ARID5B: variants seen among roughly 807,000 people sequenced by gnomAD.
ARID5B encodes the protein AT-rich interactive domain-containing protein 5B.
In ARID5B, 13 loss-of-function variants were observed where a neutral mutation model predicts 97.2. That is an observed-to-expected ratio of 0.13 (90% CI 0.09 to 0.21). The LOEUF is 0.21. Among genes scored for constraint, ARID5B ranks in the 10% least tolerant of loss-of-function variants. The probability of loss-of-function intolerance (pLI) is 1.00; values close to 1 mark genes in which losing one functional copy is unlikely to be tolerated. For synonymous variants in ARID5B, 556 were observed against 570.3 expected (o/e 0.97, Z 0.36); for missense variants, 1,210 against 1,465.3 (o/e 0.83, Z 2.84).
At chr10:61,974,252 C>A (rs984931394) in intron 3 of ARID5B, among the ~76,000 whole-genome samples, 7 of 152,184 alleles carry the variant, frequency 4.6e-5, no homozygotes, top group Non-Finnish European at 1.5e-5. Flanking sequence ...TTGGCTGTGC[C>A]ATTGTAATGA....
At chr10:61,909,229 C>A (rs1464034644) in intron 2 of ARID5B, among the ~76,000 whole-genome samples, 8 of 152,106 alleles carry the variant, frequency 5.3e-5, no homozygotes, top group African/African-American at 1.9e-4. Flanking sequence ...TGACCCTATG[C>A]TCCCCCCACC....
intron 3 of ARID5B, among the ~76,000 whole-genome samples, chr10:61,995,943 C>T (rs1459251783): frequency 1.3e-5 from 2 of 152,086 alleles, no homozygotes; most frequent in African/African-American, 2.4e-5. Context: ...CTGGTCCAAA[C>T]GGGAGGTTCT....
chr10:61,946,808 C>T (rs1162449001), intron 3 of ARID5B, among the ~76,000 whole-genome samples: 1 of 152,124 alleles, frequency 6.6e-6, no homozygotes, highest in Non-Finnish European at 1.5e-5. Flanking sequence ...GTAGTCCGAG[C>T]TACTCAGGAG....
intron 7 of ARID5B, among the ~76,000 whole-genome samples, chr10:62,063,183 T>C (rs1839943822): frequency 6.6e-6 from 1 of 152,240 alleles, no homozygotes; most frequent in Non-Finnish European, 1.5e-5. Context: ...ACATGAGCTT[T>C]ACCAGATGTA....
intron 3 of ARID5B, among the ~76,000 whole-genome samples, chr10:61,968,987 A>T (rs1838586541): frequency 6.6e-6 from 1 of 152,186 alleles, no homozygotes; most frequent in Admixed American, 6.5e-5. Context: ...TTTCTGTAAA[A>T]CAAGAGGCCT....
intron 4 of ARID5B, among the ~76,000 whole-genome samples, chr10:62,003,371 G>C (rs1839105616): frequency 6.6e-6 from 1 of 152,184 alleles, no homozygotes; most frequent in African/African-American, 2.4e-5. Flanking sequence ...ATCTTGGTGA[G>C]GGGTCAGGGA....
rs1408904147 is a variant in ARID5B, at chr10:62,000,453, TC to T, written c.733+137del. Reference sequence around the variant, plus strand: ...CCCATGTGCTGCCCCACCCCTCCCATCCCCCAAATTATTGCGGCATAAGGCG... The same window carrying T: ...CCCATGTGCTGCCCCACCCCTCCCATCCCCAAATTATTGCGGCATAAGGCG... On this transcript the variant is annotated intron_variant, in intron 4 of 9. Coordinates refer to ENST00000279873, the MANE Select transcript of ARID5B (RefSeq NM_032199.3). This position sits in a 1 kb window ranked among gnomAD's most constrained non-coding sequence, Gnocchi z 4.4. The T allele has an allele frequency of 7.9e-6, 6 of 757,504 alleles. No individual in the cohort carries two copies. The highest frequency in any genetic ancestry group is 7.5e-5 in the African/African-American group (4 of 53,160). 46.9% of individuals were successfully genotyped at this position (757,504 alleles called of 1,614,324 possible).
At position 62,057,137 on chromosome 10, in the gene ARID5B, A is replaced by T. The variant is rs373580964; in HGVS notation, c.867A>T (p.Ser289=). 1.2e-6 allele frequency: 2 copies of T among 1,613,578 alleles called. No individual in the cohort carries two copies. Among genetic ancestry groups the T allele is most frequent in the African/African-American group, 2.7e-5 (2 of 74,892 alleles). ...TCCAGGTGAAATGTGAGGCCAGGTC[A>T]GCCTTGACCAAGCCGAAGAATAACC... The part of the protein sequence containing the change: ...AVAKVKCEAR[S]ALTKPKNNHN... Residue 289 remains serine, a synonymous_variant, in exon 6 of 10, where the codon TCA becomes TCT. Transcript: ENST00000279873.
At chr10:62,030,478 A>G (rs1168920844) in intron 4 of ARID5B, among the ~76,000 whole-genome samples, 2 of 152,176 alleles carry the variant, frequency 1.3e-5, no homozygotes, top group African/African-American at 2.4e-5. Context: ...AAAGCAGAAT[A>G]TATTTAATAA....
At chr10:61,999,503 G>A (rs968115162) in intron 3 of ARID5B, among the ~76,000 whole-genome samples, 11 of 152,254 alleles carry the variant, frequency 7.2e-5, no homozygotes, top group Middle Eastern at 3.4e-3. Context: ...TCTTGGTCTC[G>A]TGGCTGACTG....
intron 4 of ARID5B, among the ~76,000 whole-genome samples, chr10:62,003,822 A>C (rs1032318735): frequency 1.3e-5 from 2 of 152,116 alleles, no homozygotes; most frequent in African/African-American, 4.8e-5. Context: ...CCAACTGCCC[A>C]TACACCCCTG....
At chr10:61,952,127 G>A (rs112966132) in intron 3 of ARID5B, among the ~76,000 whole-genome samples, 1,653 of 152,102 alleles carry the variant, frequency 0.011, 25 homozygotes, top group African/African-American at 0.038. Flanking sequence ...AACCTTCTTT[G>A]CCCTAGCCTA....
At chr10:62,057,411 C>T (rs1296138102) in intron 6 of ARID5B, 93 bp downstream of exon 6, 1 of 1,284,212 alleles carries the variant, frequency 7.8e-7, no homozygotes, top group Non-Finnish European at 1.1e-6. Flanking sequence ...ATGTTGAAAT[C>T]CTAATCTGGG....
intron 2 of ARID5B, among the ~76,000 whole-genome samples, chr10:61,913,978 C>T (rs573562711): frequency 1.3e-5 from 2 of 152,162 alleles, no homozygotes; most frequent in Admixed American, 6.5e-5. Context: ...CTTGAACTCC[C>T]GACCTCAGGT....
intron 2 of ARID5B, among the ~76,000 whole-genome samples, chr10:61,932,247 AT>A (rs1844222941): frequency 1.3e-5 from 2 of 152,142 alleles, no homozygotes; most frequent in Non-Finnish European, 2.9e-5. Context: ...AAAATACCTT[AT>A]TGCCAATAAA....
intron 4 of ARID5B, among the ~76,000 whole-genome samples, chr10:62,038,232 T>C (rs1315975450): frequency 6.6e-6 from 1 of 152,154 alleles, no homozygotes; most frequent in Non-Finnish European, 1.5e-5. Context: ...CCCAATTGGG[T>C]AACTGACTAT....
chr10:62,055,419 ACAGCGTTGAGAATGGAGCCTGGCTGC>A (rs1839842763), intron 5 of ARID5B, among the ~76,000 whole-genome samples: 1 of 152,160 alleles, frequency 6.6e-6, no homozygotes, highest in Non-Finnish European at 1.5e-5. Context: ...TAACACATAA[ACAGCGTTGAGAATGGAGCCTGGCTGC>A]CCAGGAAACA....
chr10:61,975,715 T>C (rs1203402461), intron 3 of ARID5B, among the ~76,000 whole-genome samples: 1 of 152,214 alleles, frequency 6.6e-6, no homozygotes, highest in African/African-American at 2.4e-5. Context: ...ATTGCATTAC[T>C]CTTACACTGT....
chr10:62,013,243 A>G (rs529743316), intron 4 of ARID5B, among the ~76,000 whole-genome samples: 1 of 152,320 alleles, frequency 6.6e-6, no homozygotes, highest in African/African-American at 2.4e-5. Flanking sequence ...TGAAGCACTT[A>G]CTAAAAATTT....
Sources: gnomAD v4.1 joint callset for allele counts (sites outside exome capture counted in the v4.1 genomes callset) on GRCh38, gnomAD v4.1.1 for gene constraint, Gnocchi (gnomAD v3.1) non-coding constraint, MANE v1.5 for transcripts, NCBI Gene and HGNC (gene_info 2026-07-23, HGNC 2026-07-21) for gene names.